Variants in MYO7B observed in about 807,000 individuals in gnomAD.
MYO7B encodes the protein myosin VIIB, also known as unconventional myosin-VIIb.
Under a neutral mutation model 259.7 loss-of-function variants are expected in MYO7B, and 212 were observed. The observed-to-expected ratio is 0.82, with a 90% confidence interval of 0.73 to 0.91. The LOEUF is 0.91. MYO7B is among the 40% of genes least tolerant of loss of function. The pLI, the probability that MYO7B is intolerant of heterozygous loss-of-function variation, is 0.00. For missense variants in MYO7B, 2,732 were observed against 2,813.5 expected, an observed-to-expected ratio of 0.97 and a Z score of 0.66; for synonymous variants, 1,197 against 1,166.4, an observed-to-expected ratio of 1.03 and a Z score of -0.54.
Position 127,633,118 on chromosome 2 carries a change from G to T in MYO7B, c.5406-140G>T, listed in dbSNP as rs745685056. On this transcript the variant is annotated intron_variant, in intron 39 of 47. Coordinates refer to ENST00000409816, the MANE Select transcript of MYO7B (RefSeq NM_001393586.1). ...GCCAGGGGCAGCCCCCAGGACATGCGAGGGGCTGGAACCACCCCAGTGATG... is the reference window on the plus strand; with the variant it reads ...GCCAGGGGCAGCCCCCAGGACATGCTAGGGGCTGGAACCACCCCAGTGATG... 8 of 650,566 alleles carry T rather than the reference G, an allele frequency of 1.2e-5. No homozygotes were observed. In the South Asian group the frequency reaches 1.5e-4, roughly 13 times the overall value. 40.3% of individuals were successfully genotyped at this position (650,566 alleles called of 1,614,324 possible).
chr2:127,590,264 G>A lies in MYO7B; in HGVS notation c.1992+35G>A. On this transcript the variant is annotated intron_variant, in intron 16 of 47. Coordinates refer to ENST00000409816, the MANE Select transcript of MYO7B (RefSeq NM_001393586.1). This position sits in a 1 kb window ranked among gnomAD's most constrained non-coding sequence, Gnocchi z 4.6. ...GGAGGCTGGGGCACAGCAAAGGAGG[G>A]AGGAGGAGGAGGCTGATGGCCTCTA... 2 of 1,611,456 alleles carry A rather than the reference G, an allele frequency of 1.2e-6. No homozygotes were observed. Among genetic ancestry groups the A allele is most frequent in the Non-Finnish European group, 1.7e-6 (2 of 1,179,150 alleles).
chr2:127,572,935 C>CAAA (rs35705768), intron 6 of MYO7B, among the ~76,000 whole-genome samples: 2 of 144,220 alleles, frequency 1.4e-5, no homozygotes, highest in Non-Finnish European at 1.5e-5. Context: ...CAGTTAGTAC[C>CAAA]AAAAAAAAAA....
intron 1 of MYO7B, among the ~76,000 whole-genome samples, chr2:127,548,744 A>G (rs1033785752): frequency 2.6e-5 from 4 of 152,174 alleles, no homozygotes; most frequent in African/African-American, 9.7e-5. Context: ...ATTCAGCACT[A>G]TAAATTTCCC....
intron 36 of MYO7B, 71 bp from the exon 37 acceptor site, chr2:127,631,135 G>A: frequency 6.7e-7 from 1 of 1,486,162 alleles, no homozygotes; most frequent in Non-Finnish European, 9.0e-7. Flanking sequence ...ACTCAGGGGT[G>A]TCAGAGGACA....
At position 127,610,818 on chromosome 2, in the gene MYO7B, C is replaced by A. The variant is rs567012929; in HGVS notation, c.3192+802C>A. ...GCCTGCAGCCCCATCACATGGCCAA[C>A]CTTGTCCAGGAATTACAGAGAAGTT... On this transcript the variant is annotated intron_variant, in intron 24 of 47. Transcript: ENST00000409816. Among the ~76,000 whole-genome samples the A allele has an allele frequency of 8.5e-5, 13 of 152,344 alleles. No homozygotes were observed. The South Asian group carries it at 2.7e-3, about 32-fold the overall frequency.
chr2:127,625,647 G>A, intron 31 of MYO7B, 112 bp downstream of exon 31: 3 of 1,212,784 alleles, frequency 2.5e-6, no homozygotes, highest in Non-Finnish European at 3.3e-6. Flanking sequence ...CACCCCCTGG[G>A]GAACAACAAG....
rs1357193377 is a variant in MYO7B, at chr2:127,636,694, C to T, written c.6207+66C>T. The T allele has an allele frequency of 6.2e-7, 1 of 1,608,152 alleles. No individual in the cohort carries two copies. The highest frequency in any genetic ancestry group is 2.2e-5 in the East Asian group (1 of 44,642). On this transcript the variant is annotated intron_variant, in intron 46 of 47. Coordinates refer to ENST00000409816, the MANE Select transcript of MYO7B (RefSeq NM_001393586.1). The surrounding 1 kb of genome is among the most constrained non-coding windows in gnomAD (Gnocchi z 4.5). ...CCAGGGACCTGTGCAGGTGGGGCTG[C>T]AGTCATCTCTGCGGTGTGTCCTGCC...
Position 127,584,290 on chromosome 2 carries a change from G to A in MYO7B, c.1512G>A (p.Met504Ile), listed in dbSNP as rs1679219434. Residue 504 changes from methionine (M) to isoleucine (I), a missense_variant, in exon 13 of 48, where the codon ATG (methionine) becomes ATA (isoleucine). By Grantham distance (10) the Met-to-Ile change is conservative. Transcript: ENST00000409816. This position sits in a 1 kb window ranked among gnomAD's most constrained non-coding sequence, Gnocchi z 5.8. ...PTLDLLALKP[M>I]SIISLLDEES... ...TGGACCTGCTGGCCCTCAAGCCCAT[G>A]AGCATCATCTCCCTCCTGGACGAAG... 2 of 1,613,984 alleles carry A rather than the reference G, an allele frequency of 1.2e-6. No individual in the cohort carries two copies. The highest frequency in any genetic ancestry group is 1.7e-6 in the Non-Finnish European group (2 of 1,179,892).
Position 127,615,464 on chromosome 2 carries a change from C to T in MYO7B, c.3398+2861C>T, listed in dbSNP as rs571165771. 2.0e-5 allele frequency among the ~76,000 whole-genome samples: 3 copies of T among 152,194 alleles called. No individual in the cohort carries two copies. The highest frequency in any genetic ancestry group is 1.9e-4 in the East Asian group (1 of 5,172). ...ACTCCTAGTGAGCAAAGACAGCCCCCGCCCTGAGCTTCTTCAGCCCTTAGT... is the reference window on the plus strand; with the variant it reads ...ACTCCTAGTGAGCAAAGACAGCCCCTGCCCTGAGCTTCTTCAGCCCTTAGT... On this transcript the variant is annotated intron_variant, in intron 26 of 47. Transcript: ENST00000409816. The surrounding 1 kb of genome is among the most constrained non-coding windows in gnomAD (Gnocchi z 4.4).
chr2:127,568,837 G>A (rs1399609096), intron 5 of MYO7B, among the ~76,000 whole-genome samples: 1 of 151,808 alleles, frequency 6.6e-6, no homozygotes, highest in Non-Finnish European at 1.5e-5. Flanking sequence ...GGCGGAGGTT[G>A]CAGTGAGCTG....
chr2:127,569,431 C>T lies in MYO7B; in HGVS notation c.471-358C>T, dbSNP rs73953644. On this transcript the variant is annotated intron_variant, in intron 5 of 47. Transcript: ENST00000409816. ...CTGTGTGACCTGGGCATCTGCATTCCGAGCCTGCTGCTGGCCTGTGGGCCA... is the reference window on the plus strand; with the variant it reads ...CTGTGTGACCTGGGCATCTGCATTCTGAGCCTGCTGCTGGCCTGTGGGCCA... Among the ~76,000 whole-genome samples, 440 of 152,172 alleles carry T rather than the reference C, an allele frequency of 2.9e-3. 1 individual carries two copies. The highest frequency in any genetic ancestry group is 9.7e-3 in the African/African-American group (403 of 41,512).
rs777524014 is a variant in MYO7B, at chr2:127,610,036, G to A, written c.3192+20G>A. On this transcript the variant is annotated intron_variant, in intron 24 of 47. Transcript: ENST00000409816. ...GCACAGGCAAGTGGGGGGCAGCAGC[G>A]GGCAGAGGAGGGCGACACCTACCAG... is the stretch of plus-strand genomic sequence containing the variant. 18 of 1,603,814 alleles carry A rather than the reference G, an allele frequency of 1.1e-5. No individual in the cohort carries two copies. Among genetic ancestry groups the A allele is most frequent in the African/African-American group, 4.0e-5 (3 of 74,774 alleles).
Position 127,636,406 on chromosome 2 carries a change from A to G in MYO7B, c.6123+82A>G, listed in dbSNP as rs1681809113. ...CCCAGCAGGCCCAGCGTCAACCAGC[A>G]CACATCTTGGGTGGGGCTGGCCGTG... is the stretch of plus-strand genomic sequence containing the variant. On this transcript the variant is annotated intron_variant, in intron 45 of 47. Coordinates refer to ENST00000409816, the MANE Select transcript of MYO7B (RefSeq NM_001393586.1). This position sits in a 1 kb window ranked among gnomAD's most constrained non-coding sequence, Gnocchi z 4.5. The G allele has an allele frequency of 2.0e-6, 3 of 1,467,034 alleles. No homozygotes were observed. The allele number at this position is 1,467,034 out of a possible 1,614,324, so 90.9% of individuals were successfully genotyped here.
chr2:127,558,793 G>A (rs1182111840), intron 1 of MYO7B, among the ~76,000 whole-genome samples: 2 of 152,174 alleles, frequency 1.3e-5, no homozygotes, highest in African/African-American at 2.4e-5. Flanking sequence ...ACTCGGGAAT[G>A]GAAAACCAAA....
chr2:127,593,356 C>G (rs1024089198), intron 17 of MYO7B, among the ~76,000 whole-genome samples, 190 bp from the exon 18 acceptor site: 1 of 151,988 alleles, frequency 6.6e-6, no homozygotes, highest in Non-Finnish European at 1.5e-5. Flanking sequence ...CACATGGAGG[C>G]CCCGGGCCCC....
chr2:127,575,011 T>G (rs1191847583), intron 7 of MYO7B, among the ~76,000 whole-genome samples: 5 of 152,042 alleles, frequency 3.3e-5, no homozygotes, highest in Admixed American at 1.3e-4. Context: ...CATGCATGTG[T>G]GCAAATGAGT....
In MYO7B at chr2:127,559,106, C is replaced by A. The variant is rs571669519; in HGVS notation, c.-23-594C>A. The stretch of plus-strand genomic sequence containing the variant: ...CTCCTTTAAATGGGACAAGTGGGCT[C>A]CTCCCCGCTCCTCCTCCTGCTGGGC... On this transcript the variant is annotated intron_variant, in intron 1 of 47. Transcript: ENST00000409816. This position sits in a 1 kb window ranked among gnomAD's most constrained non-coding sequence, Gnocchi z 4.1. Among the ~76,000 whole-genome samples, 24 of 152,286 alleles carry A rather than the reference C, an allele frequency of 1.6e-4. No homozygotes were observed. In the South Asian group the frequency reaches 2.7e-3, roughly 17 times the overall value.
rs537202751 is a variant in MYO7B, at chr2:127,541,016, A to G, written c.-24+5185A>G. ...TGATGGAGGGATTTTCATTGTTCAT[A>G]TCTATAATGTGGGATATCTCTCTCT... On this transcript the variant is annotated intron_variant, in intron 1 of 47. Transcript: ENST00000409816. 2.6e-5 allele frequency among the ~76,000 whole-genome samples: 4 copies of G among 152,342 alleles called. No individual in the cohort carries two copies. In the East Asian group the frequency reaches 7.7e-4, roughly 29 times the overall value.
In MYO7B at chr2:127,612,321, A is replaced by G. The variant is rs777435; in HGVS notation, c.3264A>G (p.Thr1088=). 613,026 of 1,047,998 alleles carry G rather than the reference A, an allele frequency of 0.58. 187,556 individuals carry two copies. Among genetic ancestry groups the G allele is most frequent in the African/African-American group, 0.91 (57,751 of 63,586 alleles). 64.9% of individuals were successfully genotyped at this position (1,047,998 alleles called of 1,614,324 possible). A position where few individuals can be genotyped will look rare whatever the true frequency, so the allele number is the denominator to read the frequency against. Residue 1088 remains threonine (T), a synonymous_variant, in exon 25 of 48, where the codon ACA becomes ACG. Transcript: ENST00000409816. ...AGCTGAAGCGGTCCTCCCGGATCACAGGCCAGGTGAGCCCAGAGCACAGAA... is the reference window on the plus strand; with the variant it reads ...AGCTGAAGCGGTCCTCCCGGATCACGGGCCAGGTGAGCCCAGAGCACAGAA... ...SMKLKRSSRI[T]GQVASQLNIG... is the part of the protein sequence containing the mutation.
Sources: allele counts gnomAD v4.1 joint callset (sites outside exome capture counted in the v4.1 genomes callset), GRCh38; gene constraint gnomAD v4.1.1; non-coding constraint Gnocchi (gnomAD v3.1); transcripts MANE v1.5; gene names NCBI Gene and HGNC (gene_info 2026-07-23, HGNC 2026-07-21).